Variants in NDST4 observed in about 807,000 individuals in gnomAD.
The protein encoded by NDST4 is N-heparan sulfate sulfotransferase 4.
Under a neutral mutation model 100.8 loss-of-function variants are expected in NDST4, and 63 were observed. That is an observed-to-expected ratio of 0.62 (90% CI 0.51 to 0.77). NDST4 has a LOEUF of 0.77. Among genes scored for constraint, NDST4 ranks in the 30% least tolerant of loss-of-function variants. The pLI, the probability that NDST4 is intolerant of heterozygous loss-of-function variation, is 0.00. For synonymous variants in NDST4, 377 were observed against 361.8 expected (o/e 1.04, Z -0.48); for missense variants, 943 against 1,018.4 (o/e 0.93, Z 1.01).
In NDST4 at chr4:114,970,532, C is replaced by T; in HGVS notation, c.1119G>A (p.Glu373=). 6.2e-7 allele frequency: 1 copy of T among 1,614,050 alleles called. No homozygotes were observed. ...GDDLLLRSVD[E]FWWFPHMWSH... Reference sequence around the variant, plus strand: ...TCCACATGTGAGGAAACCACCAGAACTCATCCACAGACCGAAGTAAAAGGT... The same window carrying T: ...TCCACATGTGAGGAAACCACCAGAATTCATCCACAGACCGAAGTAAAAGGT... Residue 373 remains glutamate, a synonymous_variant, in exon 4 of 14, where the codon GAG becomes GAA. Transcript: ENST00000264363.
intron 10 of NDST4, among the ~76,000 whole-genome samples, chr4:114,844,462 G>T (rs1251902943): frequency 6.6e-6 from 1 of 152,100 alleles, no homozygotes; most frequent in Admixed American, 6.6e-5. Flanking sequence ...CTTTAAATGT[G>T]CCATGATTCT....
intron 1 of NDST4, among the ~76,000 whole-genome samples, chr4:115,086,662 A>C (rs1296255908): frequency 6.6e-6 from 1 of 152,126 alleles, no homozygotes; most frequent in Non-Finnish European, 1.5e-5. Context: ...CTCAGTAAAT[A>C]GAAGAGTAAA....
chr4:114,965,594 A>G (rs912482288), intron 4 of NDST4, among the ~76,000 whole-genome samples: 1 of 152,048 alleles, frequency 6.6e-6, no homozygotes, highest in African/African-American at 2.4e-5. Flanking sequence ...ATAACACAGC[A>G]AGTAAAATTC....
In NDST4 at chr4:114,845,950, A is replaced by T. The variant is rs997231269; in HGVS notation, c.1988T>A (p.Leu663Gln). 7.4e-6 allele frequency: 12 copies of T among 1,613,930 alleles called. No homozygotes were observed. Among genetic ancestry groups the T allele is most frequent in the Non-Finnish European group, 9.3e-6 (11 of 1,179,910 alleles). The change falls in exon 10 of 14, where the codon CTG (leucine) becomes CAG (glutamine). Residue 663 changes from leucine to glutamine, a missense_variant. Physicochemically the swap from Leu to Gln is moderately radical, Grantham distance 113. Coordinates refer to ENST00000264363, the MANE Select transcript of NDST4 (RefSeq NM_022569.3). ...PTPSNTTSDF[L>Q]FEKSANYFHS... is the part of the protein sequence containing the mutation. ...GAAGTAATTAGCACTCTTTTCAAAC[A>T]GAAAGTCACTTGTAGTATTGGATGG...
chr4:114,932,053 A>G (rs973947035), intron 6 of NDST4, among the ~76,000 whole-genome samples: 2 of 151,912 alleles, frequency 1.3e-5, no homozygotes, highest in African/African-American at 4.8e-5. Flanking sequence ...AAAGAAAATT[A>G]CAGGGTAATA....
rs1034978114 is a variant in NDST4 at position 114,946,423 on chromosome 4, A to T, written c.1222-8920T>A. ...ATATGGAGAAAAATAAAGCAGAAATATAGAGTGGAATCAAGGGGTACGGGT... is the reference window on the plus strand; with the variant it reads ...ATATGGAGAAAAATAAAGCAGAAATTTAGAGTGGAATCAAGGGGTACGGGT... On this transcript the variant is annotated intron_variant, in intron 4 of 13. Coordinates refer to ENST00000264363, the MANE Select transcript of NDST4 (RefSeq NM_022569.3). 2.2e-4 allele frequency among the ~76,000 whole-genome samples: 34 copies of T among 152,224 alleles called. 1 individual carries two copies. Among genetic ancestry groups the T allele is most frequent in the Non-Finnish European group, 3.8e-4 (26 of 68,036 alleles).
intron 7 of NDST4, 50 bp downstream of exon 7, chr4:114,870,718 A>G (rs775472506): frequency 1.3e-6 from 2 of 1,496,710 alleles, no homozygotes; most frequent in Non-Finnish European, 1.8e-6. Context: ...ATACACTCAC[A>G]AATTGCTAGT....
intron 2 of NDST4, among the ~76,000 whole-genome samples, chr4:115,066,360 C>G (rs933751359): frequency 2.0e-5 from 3 of 152,022 alleles, no homozygotes; most frequent in African/African-American, 7.2e-5. Flanking sequence ...CTTTTCCTTC[C>G]ATTGATAAAG....
chr4:114,974,686 C>T (rs1033992799), intron 3 of NDST4, among the ~76,000 whole-genome samples: 6 of 152,226 alleles, frequency 3.9e-5, no homozygotes, highest in Middle Eastern at 3.4e-3. Flanking sequence ...ACCTGCACTA[C>T]GTCCTTCCTC....
At chr4:115,000,240 T>G (rs533996720) in intron 2 of NDST4, among the ~76,000 whole-genome samples, 115 of 151,798 alleles carry the variant, frequency 7.6e-4, no homozygotes, top group African/African-American at 2.7e-3. Context: ...CAAAGAATGA[T>G]GAAATGAGGG....
intron 2 of NDST4, among the ~76,000 whole-genome samples, chr4:114,978,186 G>A (rs1217542456): frequency 6.6e-6 from 1 of 151,926 alleles, no homozygotes; most frequent in African/African-American, 2.4e-5. Flanking sequence ...AAAATGAGAA[G>A]CTAATTTCAA....
intron 2 of NDST4, among the ~76,000 whole-genome samples, chr4:114,987,756 GTATCT>G (rs1316445092): frequency 6.6e-6 from 1 of 152,134 alleles, no homozygotes; most frequent in African/African-American, 2.4e-5. Context: ...TGCACTTAAT[GTATCT>G]TATCTTTTAC....
intron 3 of NDST4, among the ~76,000 whole-genome samples, chr4:114,974,895 A>G (rs1404142700): frequency 6.6e-6 from 1 of 152,160 alleles, no homozygotes; most frequent in Non-Finnish European, 1.5e-5. Context: ...AAATGTCTTC[A>G]AAACAATGAG....
intron 4 of NDST4, among the ~76,000 whole-genome samples, chr4:114,945,999 A>G (rs1300855843): frequency 6.6e-6 from 1 of 152,132 alleles, no homozygotes; most frequent in Non-Finnish European, 1.5e-5. Context: ...AAATGGCATT[A>G]CCTCTACAGT....
intron 6 of NDST4, among the ~76,000 whole-genome samples, chr4:114,925,590 C>T (rs557387972): frequency 4.6e-5 from 7 of 152,218 alleles, no homozygotes; most frequent in Admixed American, 1.3e-4. Context: ...AGACAGCACA[C>T]GGAGAAGTTT....
At chr4:114,979,501 T>A (rs1726718288) in intron 2 of NDST4, among the ~76,000 whole-genome samples, 1 of 151,268 alleles carries the variant, frequency 6.6e-6, no homozygotes, top group Admixed American at 6.6e-5. Flanking sequence ...ATTGGATTAG[T>A]TTCATTTATT....
At chr4:114,843,810 T>C (rs1472822131) in intron 10 of NDST4, among the ~76,000 whole-genome samples, 1 of 152,152 alleles carries the variant, frequency 6.6e-6, no homozygotes, top group African/African-American at 2.4e-5. Flanking sequence ...ATCTCTAAAC[T>C]CTTTCCTTAG....
Position 115,076,084 on chromosome 4 carries a change from G to A in NDST4, c.953C>T (p.Thr318Ile). Reference protein sequence around the residue: ...IDDIFVGKEGTRMNVKDVKAL... With the variant: ...IDDIFVGKEGIRMNVKDVKAL... The stretch of plus-strand genomic sequence containing the variant: ...CTTCACATCTTTGACATTCATCCTT[G>A]TTCCCTCTTTCCCAACAAATATATC... The change falls in exon 2 of 14, where the codon ACA becomes ATA. Residue 318 changes from threonine to isoleucine, a missense_variant. Physicochemically the swap from Thr to Ile is moderately conservative, Grantham distance 89 (BLOSUM62 -1). Transcript: ENST00000264363. 1 of 1,611,936 alleles carries A rather than the reference G, an allele frequency of 6.2e-7. No individual in the cohort carries two copies. The highest frequency in any genetic ancestry group is 8.5e-7 in the Non-Finnish European group (1 of 1,178,906).
At chr4:114,987,938 G>GA (rs1726948512) in intron 2 of NDST4, among the ~76,000 whole-genome samples, 1 of 152,156 alleles carries the variant, frequency 6.6e-6, no homozygotes, top group Non-Finnish European at 1.5e-5. Flanking sequence ...CAATGCAAAT[G>GA]AAAAATGTAA....
Sources: allele counts gnomAD v4.1 joint callset (sites outside exome capture counted in the v4.1 genomes callset), GRCh38; gene constraint gnomAD v4.1.1; transcripts MANE v1.5; gene names NCBI Gene and HGNC (gene_info 2026-07-23, HGNC 2026-07-21).